ADAM22: variants seen among roughly 807,000 people sequenced by gnomAD.
ADAM22 encodes disintegrin and metalloproteinase domain-containing protein 22.
Under a neutral mutation model 144.6 loss-of-function variants are expected in ADAM22, and 65 were observed. The ratio of observed to expected loss-of-function variants is 0.45; its 90% CI spans 0.37 to 0.55. ADAM22 has a LOEUF of 0.55. Among genes scored for constraint, ADAM22 ranks in the 20% least tolerant of loss-of-function variants. The pLI is 0.00. For synonymous variants in ADAM22, 391 were observed against 412.6 expected, an observed-to-expected ratio of 0.95 and a Z score of 0.63; for missense variants, 974 against 1,184.9, an observed-to-expected ratio of 0.82 and a Z score of 2.61.
At chr7:88,088,868 A>T (rs1205997625) in intron 4 of ADAM22, among the ~76,000 whole-genome samples, 4 of 152,206 alleles carry the variant, frequency 2.6e-5, no homozygotes, top group African/African-American at 9.6e-5. Context: ...TTTGTAAGTG[A>T]AATATATTCT....
At chr7:87,967,382 G>A (rs1218472303) in intron 2 of ADAM22, among the ~76,000 whole-genome samples, 1 of 152,146 alleles carries the variant, frequency 6.6e-6, no homozygotes, top group Non-Finnish European at 1.5e-5. Flanking sequence ...ATATGGGCTT[G>A]GAGGCCAAAG....
At chr7:88,128,199 A>G (rs1830904208) in intron 8 of ADAM22, among the ~76,000 whole-genome samples, 1 of 152,098 alleles carries the variant, frequency 6.6e-6, no homozygotes, top group Non-Finnish European at 1.5e-5. Flanking sequence ...ACTATTTTCA[A>G]GATAGACTGT....
rs1311679985 is a variant in ADAM22 at position 87,978,365 on chromosome 7, G to C, written c.276G>C (p.Gln92His). The C allele has an allele frequency of 2.5e-6, 4 of 1,613,434 alleles. No homozygotes were observed. Among genetic ancestry groups the C allele is most frequent in the African/African-American group, 1.3e-5 (1 of 74,988 alleles). ...QLTHVDQASFQVDAFGTSFIL... is the reference protein window; with the variant it reads ...QLTHVDQASFHVDAFGTSFIL... ...CTCATGTTGACCAAGCAAGCTTCCA[G>C]GTTGATGCCTTTGGAACGTCATTCA... is the stretch of plus-strand genomic sequence containing the variant. The change falls in exon 3 of 32, where the codon CAG (glutamine) becomes CAC (histidine). Residue 92 changes from glutamine (Q) to histidine (H), a missense_variant. Around this residue, in one of 2 missense-constraint regions of ADAM22, gnomAD observed 240 missense variants for 234.3 expected, o/e 1.02. Transcript: ENST00000413139.
At chr7:88,124,189 T>C (rs964039419) in intron 7 of ADAM22, among the ~76,000 whole-genome samples, 20 of 151,982 alleles carry the variant, frequency 1.3e-4, no homozygotes, top group African/African-American at 4.3e-4. Flanking sequence ...TTTTTTTCTT[T>C]CAATTACTGA....
intron 3 of ADAM22, among the ~76,000 whole-genome samples, chr7:88,012,272 TA>T (rs1447335521): frequency 6.6e-6 from 1 of 152,188 alleles, no homozygotes; most frequent in East Asian, 1.9e-4. Flanking sequence ...CTTTTTCCAC[TA>T]AAGCCTCTAA....
At chr7:88,137,909 T>A (rs1387839315) in intron 14 of ADAM22, among the ~76,000 whole-genome samples, 2 of 152,178 alleles carry the variant, frequency 1.3e-5, no homozygotes, top group Non-Finnish European at 1.5e-5. Flanking sequence ...ATCCCATCAC[T>A]TTGAGAGGCT....
chr7:88,048,085 A>G (rs1419115371), intron 3 of ADAM22, among the ~76,000 whole-genome samples: 4 of 152,132 alleles, frequency 2.6e-5, no homozygotes, highest in Non-Finnish European at 4.4e-5. Context: ...AACTTTTGAA[A>G]TAAATATTTT....
At chr7:87,977,953 A>G (rs1852290625) in intron 2 of ADAM22, among the ~76,000 whole-genome samples, 1 of 152,196 alleles carries the variant, frequency 6.6e-6, no homozygotes, top group Non-Finnish European at 1.5e-5. Flanking sequence ...CATATTCACC[A>G]TATTATTTTA....
chr7:88,155,073 C>T (rs897317638), intron 21 of ADAM22, among the ~76,000 whole-genome samples: 4 of 152,052 alleles, frequency 2.6e-5, no homozygotes. Flanking sequence ...TGGGGAAGTA[C>T]TGAAATATAT....
chr7:88,184,178 C>G (rs959308807), intron 29 of ADAM22: 3 of 180,558 alleles, frequency 1.7e-5, no homozygotes, highest in African/African-American at 7.2e-5. Flanking sequence ...AATAAAATGT[C>G]CTCATATATT....
chr7:87,948,472 T>A (rs1480731261), intron 2 of ADAM22, among the ~76,000 whole-genome samples: 2 of 152,170 alleles, frequency 1.3e-5, no homozygotes. Context: ...CTTCTGCCCT[T>A]TATTGCTGGA....
intron 3 of ADAM22, among the ~76,000 whole-genome samples, chr7:88,043,376 T>C (rs1803657587): frequency 6.6e-6 from 1 of 151,460 alleles, no homozygotes; most frequent in Admixed American, 6.6e-5. Context: ...TCCCAGCTAC[T>C]CGGGAGGCTG....
chr7:87,976,100 C>G (rs1016029802), intron 2 of ADAM22, among the ~76,000 whole-genome samples: 6 of 152,096 alleles, frequency 3.9e-5, no homozygotes, highest in African/African-American at 1.4e-4. Flanking sequence ...ATCAGGCAAT[C>G]AGAAGATCAA....
chr7:88,118,152 T>C (rs937206494), intron 7 of ADAM22, among the ~76,000 whole-genome samples: 3 of 152,170 alleles, frequency 2.0e-5, no homozygotes, highest in African/African-American at 7.2e-5. Context: ...ATTATGACAC[T>C]ATGGTAGAGA....
chr7:88,145,579 T>C, intron 17 of ADAM22, 72 bp downstream of exon 17: 1 of 1,199,200 alleles, frequency 8.3e-7, no homozygotes. Flanking sequence ...GCTGGGTAAA[T>C]ATAATCTAAT....
chr7:88,195,676 C>T (rs915270658), intron 31 of ADAM22, among the ~76,000 whole-genome samples: 8 of 152,020 alleles, frequency 5.3e-5, no homozygotes, highest in East Asian at 1.9e-4. Context: ...CCACCACGCC[C>T]GGCTAATTTT....
Position 88,196,462 on chromosome 7 carries a change from G to T in ADAM22, c.2875-9G>T. 6.2e-7 allele frequency: 1 copy of T among 1,614,042 alleles called. No individual in the cohort carries two copies. Among genetic ancestry groups the T allele is most frequent in the Non-Finnish European group, 8.5e-7 (1 of 1,180,010 alleles). On this transcript the variant is annotated splice_polypyrimidine_tract_variant and intron_variant, in intron 31 of 31. Transcript: ENST00000413139. The stretch of plus-strand genomic sequence containing the variant: ...ACAATGTGCAATTTTGCTCTTTTCT[G>T]TTGTGCAGCTATGGGAGACATCCAT...
intron 3 of ADAM22, among the ~76,000 whole-genome samples, chr7:87,987,004 A>G (rs1454897175): frequency 6.6e-6 from 1 of 152,134 alleles, no homozygotes; most frequent in African/African-American, 2.4e-5. Flanking sequence ...GAAAAATGTA[A>G]TTTGCTAGAT....
intron 2 of ADAM22, among the ~76,000 whole-genome samples, chr7:87,948,653 A>G (rs1318264546): frequency 1.3e-5 from 2 of 152,182 alleles, no homozygotes; most frequent in South Asian, 2.1e-4. Context: ...CTACATTGCT[A>G]CAGGATTCAT....
Sources: gnomAD v4.1 joint callset for allele counts (sites outside exome capture counted in the v4.1 genomes callset) on GRCh38, gnomAD v4.1.1 for gene constraint, gnomAD v4.1.1 regional missense constraint, MANE v1.5 for transcripts, NCBI Gene and HGNC (gene_info 2026-07-23, HGNC 2026-07-21) for gene names.